The following PLET1 variants were observed in gnomAD, a reference collection of about 807,000 sequenced individuals.
PLET1 encodes placenta-expressed transcript 1 protein.
Under a neutral mutation model 18.5 loss-of-function variants are expected in PLET1, and 20 were observed. The observed-to-expected ratio is 1.08, with a 90% CI of 0.76 to 1.57. PLET1 has a LOEUF of 1.57. PLET1 is among the 40% of genes most tolerant of loss of function. The probability of loss-of-function intolerance (pLI) is 0.00; values close to 1 mark genes in which losing one functional copy is unlikely to be tolerated. For synonymous variants in PLET1, 93 were observed against 93.8 expected (o/e 0.99, Z 0.05); for missense variants, 256 against 246.4 (o/e 1.04, Z -0.26).
intron 2 of PLET1, among the ~76,000 whole-genome samples, chr11:112,254,780 TC>T (rs147790885): frequency 0.99 from 128,655 of 129,596 alleles, 63,860 homozygotes; most frequent in Admixed American, 1. Flanking sequence ...GTGGTACGCA[TC>T]GTGTGTGTGT....
chr11:112,254,915 G>A (rs1458952941), intron 2 of PLET1, among the ~76,000 whole-genome samples: 2 of 114,772 alleles, frequency 1.7e-5, no homozygotes, highest in South Asian at 3.3e-4. Flanking sequence ...TGTGTGTGGG[G>A]TATGTATGTG....
At position 112,255,253 on chromosome 11, in the gene PLET1, C is replaced by T. The variant is rs538640675; in HGVS notation, c.386+135G>A. 8.4e-5 allele frequency: 72 copies of T among 861,610 alleles called. No homozygotes were observed. The Middle Eastern group carries it at 1.0e-3, about 12-fold the overall frequency. The allele number at this position is 861,610 out of a possible 1,614,324, so 53.4% of individuals were successfully genotyped here. A position where few individuals can be genotyped will look rare whatever the true frequency, so the allele number is the denominator to read the frequency against. The stretch of plus-strand genomic sequence containing the variant: ...GAAGGGATGGTAGAGCACTGTGAGA[C>T]GGTAATGAAGTGCGACTGCTGAGTT... On this transcript the variant is annotated intron_variant, in intron 2 of 3. Coordinates refer to ENST00000338832, the MANE Select transcript of PLET1 (RefSeq NM_001145024.1).
intron 3 of PLET1, 32 bp from the exon 4 acceptor site, chr11:112,249,006 T>C (rs1301698504): frequency 6.5e-7 from 1 of 1,541,984 alleles, no homozygotes; most frequent in Non-Finnish European, 8.8e-7. Context: ...CGGTTGGCAC[T>C]GGAAAATGGC....
chr11:112,252,389 C>T lies in PLET1; in HGVS notation c.407G>A (p.Arg136Lys). 1 of 1,551,424 alleles carries T rather than the reference C, an allele frequency of 6.4e-7. No individual in the cohort carries two copies. Among genetic ancestry groups the T allele is most frequent in the Non-Finnish European group, 8.7e-7 (1 of 1,146,760 alleles). ...CAGAGTAGAAAGTATAGGCAGCGCT[C>T]TGATCTGGACAGTGAAAGCTCTGTG... ...VEIQAFTVQI[R>K]ALPILSTLKL... Residue 136 changes from arginine to lysine, a missense_variant, in exon 3 of 4, where the codon AGA becomes AAA. By Grantham distance (26) the Arg-to-Lys change is conservative (BLOSUM62 2). Coordinates refer to ENST00000338832, the MANE Select transcript of PLET1 (RefSeq NM_001145024.1).
intron 2 of PLET1, among the ~76,000 whole-genome samples, chr11:112,254,294 TGTG>T (rs1860188859): frequency 6.7e-6 from 1 of 149,390 alleles, no homozygotes; most frequent in Non-Finnish European, 1.5e-5. Flanking sequence ...TGTGTATGTG[TGTG>T]GTGTGTAGTG....
intron 1 of PLET1, among the ~76,000 whole-genome samples, chr11:112,258,775 A>G (rs148459425): frequency 1.1e-3 from 167 of 152,244 alleles, no homozygotes; most frequent in African/African-American, 4.0e-3. Context: ...TCAGGACAAT[A>G]TCCACTGCCT....
chr11:112,258,089 A>G lies in PLET1; in HGVS notation c.184+2317T>C, dbSNP rs998088330. 2.0e-5 allele frequency among the ~76,000 whole-genome samples: 3 copies of G among 152,220 alleles called. No homozygotes were observed. The South Asian group carries it at 6.2e-4, about 32-fold the overall frequency. On this transcript the variant is annotated intron_variant, in intron 1 of 3. Coordinates refer to ENST00000338832, the MANE Select transcript of PLET1 (RefSeq NM_001145024.1). ...AAGTTTGGGGGTACATGGCATAAGT[A>G]GGCATTCAAGGAGCCTTAGGTCTTC...
chr11:112,257,609 G>GTT (rs568378278), intron 1 of PLET1, among the ~76,000 whole-genome samples: 7 of 147,792 alleles, frequency 4.7e-5, no homozygotes, highest in African/African-American at 1.7e-4. Context: ...GCCCATAGAA[G>GTT]TTTTTTTTTT....
At chr11:112,255,204 T>C (rs1216705494) in intron 2 of PLET1, among the ~76,000 whole-genome samples, 184 bp downstream of exon 2, 3 of 149,978 alleles carry the variant, frequency 2.0e-5, no homozygotes, top group Non-Finnish European at 3.0e-5. Context: ...TGTGAATGTG[T>C]GTGTCTGCAA....
chr11:112,256,396 A>G (rs548208905), intron 1 of PLET1, among the ~76,000 whole-genome samples: 9 of 152,288 alleles, frequency 5.9e-5, no homozygotes, highest in African/African-American at 2.2e-4. Context: ...ATCATGCAAC[A>G]CAAAAGGATC....
chr11:112,254,241 T>C (rs2564870), intron 2 of PLET1, among the ~76,000 whole-genome samples: 102,832 of 146,886 alleles, frequency 0.7, 36,208 homozygotes, highest in South Asian at 0.8. Context: ...TGTGTGGGAA[T>C]GTGGTCTGGT....
intron 2 of PLET1, among the ~76,000 whole-genome samples, chr11:112,254,871 G>C (rs543670525): frequency 1.4e-4 from 18 of 132,908 alleles, no homozygotes; most frequent in African/African-American, 5.0e-4. Context: ...TGTGTGTGTG[G>C]TGCATGTGGT....
chr11:112,255,082 ATGTGTGG>A, intron 2 of PLET1, among the ~76,000 whole-genome samples: 1 of 13,482 alleles, frequency 7.4e-5, no homozygotes. Flanking sequence ...TGTGTGTGGT[ATGTGTGG>A]TGTGTGTGGT....
At chr11:112,258,545 A>G (rs2135419452) in intron 1 of PLET1, among the ~76,000 whole-genome samples, 1 of 152,186 alleles carries the variant, frequency 6.6e-6, no homozygotes, top group Non-Finnish European at 1.5e-5. Context: ...TGACCTCCCA[A>G]ATTGCTGAGA....
intron 3 of PLET1, among the ~76,000 whole-genome samples, chr11:112,252,018 A>T (rs768414749): frequency 3.3e-5 from 5 of 152,212 alleles, no homozygotes; most frequent in African/African-American, 1.2e-4. Flanking sequence ...ATTTGTGGAA[A>T]TTGAGGAAGA....
chr11:112,254,126 T>C (rs1860185124), intron 2 of PLET1, among the ~76,000 whole-genome samples: 1 of 152,012 alleles, frequency 6.6e-6, no homozygotes, highest in Non-Finnish European at 1.5e-5. Flanking sequence ...ATTCTCCAGT[T>C]TGAACATAGG....
At chr11:112,253,908 C>T (rs958024029) in intron 2 of PLET1, among the ~76,000 whole-genome samples, 2 of 152,102 alleles carry the variant, frequency 1.3e-5, no homozygotes, top group African/African-American at 2.4e-5. Flanking sequence ...TAAGTACTTC[C>T]CAACATGTGG....
chr11:112,255,047 G>A (rs1259057815), intron 2 of PLET1, among the ~76,000 whole-genome samples: 1 of 127,212 alleles, frequency 7.9e-6, no homozygotes, highest in Non-Finnish European at 1.6e-5. Flanking sequence ...TGTGTGGGGT[G>A]CGTGTGGTAT....
rs774617514 is a variant in PLET1, at chr11:112,255,580, G to A, written c.194C>T (p.Pro65Leu). The part of the protein sequence containing the change: ...ESNAVYSVFV[P>L]VNDSVYAVVM... The stretch of plus-strand genomic sequence containing the variant: ...CACAGCATAGACGCTGTCATTCACG[G>A]GAACAAATACTGGGAGGAAATGATG... The change falls in exon 2 of 4, where the codon CCC (proline) becomes CTC (leucine). Residue 65 changes from proline to leucine, a missense_variant. Transcript: ENST00000338832. 5.5e-5 allele frequency: 86 copies of A among 1,550,824 alleles called. No individual in the cohort carries two copies. Among genetic ancestry groups the A allele is most frequent in the Middle Eastern group, 1.8e-4 (1 of 5,704 alleles).
Sources: gnomAD v4.1 joint callset for allele counts (sites outside exome capture counted in the v4.1 genomes callset) on GRCh38, gnomAD v4.1.1 for gene constraint, MANE v1.5 for transcripts, NCBI Gene and HGNC (gene_info 2026-07-23, HGNC 2026-07-21) for gene names.